The following CNOT6L variants were observed in gnomAD, a reference collection of about 807,000 sequenced individuals.
CNOT6L encodes CCR4-NOT transcription complex subunit 6 like.
CNOT6L carries 7 observed loss-of-function variants against 64.0 expected under a neutral mutation model. The observed-to-expected ratio is 0.11, with a 90% CI of 0.06 to 0.21. The LOEUF is 0.21. CNOT6L is among the 10% of genes least tolerant of loss of function. The pLI is 1.00. For synonymous variants in CNOT6L, 193 were observed against 243.4 expected (o/e 0.79, Z 1.93); for missense variants, 245 against 669.0 (o/e 0.37, Z 6.99).
intron 1 of CNOT6L, among the ~76,000 whole-genome samples, chr4:77,815,394 A>G (rs1733450941): frequency 6.6e-6 from 1 of 152,176 alleles, no homozygotes; most frequent in South Asian, 2.1e-4. Context: ...CTCACTTGTC[A>G]TTTAAGCCCC....
chr4:77,797,417 T>C (rs1386745642), intron 1 of CNOT6L, among the ~76,000 whole-genome samples: 2 of 152,216 alleles, frequency 1.3e-5, no homozygotes, highest in African/African-American at 4.8e-5. Context: ...TGCTGTCTCT[T>C]TCAGTCCTGC....
At chr4:77,728,400 T>C (rs1447017612) in intron 10 of CNOT6L, among the ~76,000 whole-genome samples, 5 of 152,202 alleles carry the variant, frequency 3.3e-5, no homozygotes, top group African/African-American at 1.2e-4. Context: ...ATGGGCAGCC[T>C]AGCAGGAGAT....
chr4:77,714,828 A>G lies in CNOT6L; in HGVS notation c.*5603T>C, dbSNP rs1720574911. 1 of 152,604 alleles carries G rather than the reference A, an allele frequency of 6.6e-6. No homozygotes were observed. Among genetic ancestry groups the G allele is most frequent in the African/African-American group, 2.4e-5 (1 of 41,444 alleles). 9.5% of individuals were successfully genotyped at this position (152,604 alleles called of 1,614,324 possible). A position where few individuals can be genotyped will look rare whatever the true frequency, so the allele number is the denominator to read the frequency against. ...ACAGAGAAAGGACAGTACAGTTTCT[A>G]AGTAAATACAGACCCAGATACTGCA... is the stretch of plus-strand genomic sequence containing the variant. On this transcript the variant is annotated 3_prime_UTR_variant, in exon 12 of 12. Transcript: ENST00000504123.
At chr4:77,727,989 GCAGTGATAATATA>G (rs142931592) in intron 10 of CNOT6L, among the ~76,000 whole-genome samples, 9,630 of 152,122 alleles carry the variant, frequency 0.063, 448 homozygotes, top group African/African-American at 0.13. Flanking sequence ...AAATAGCCTA[GCAGTGATAATATA>G]CAAAATTTAG....
intron 2 of CNOT6L, among the ~76,000 whole-genome samples, chr4:77,775,055 T>C (rs898766382): frequency 1.3e-5 from 2 of 152,140 alleles, no homozygotes; most frequent in Admixed American, 6.5e-5. Flanking sequence ...TGGAGACATT[T>C]TTGGTTGCCA....
At position 77,717,745 on chromosome 4, in the gene CNOT6L, AG is replaced by A. The variant is rs1436201421; in HGVS notation, c.*2685del. 1 of 152,512 alleles carries A rather than the reference AG, an allele frequency of 6.6e-6. No individual in the cohort carries two copies. The highest frequency in any genetic ancestry group is 1.9e-4 in the East Asian group (1 of 5,194). 9.4% of individuals were successfully genotyped at this position (152,512 alleles called of 1,614,324 possible). A position where few individuals can be genotyped will look rare whatever the true frequency, so the allele number is the denominator to read the frequency against. On this transcript the variant is annotated 3_prime_UTR_variant, in exon 12 of 12. Transcript: ENST00000504123. ...AAAACAGATACCACTCCTTTTACAAAGGGAACAAAGGGTGAAGGGTATGTGA... is the reference window on the plus strand; with the variant it reads ...AAAACAGATACCACTCCTTTTACAAAGGAACAAAGGGTGAAGGGTATGTGA...
In CNOT6L at chr4:77,714,438, TAAAAAAAAAAAAAAA is replaced by T. The variant is rs201499481; in HGVS notation, c.*5978_*5992del. On this transcript the variant is annotated 3_prime_UTR_variant, in exon 12 of 12. Coordinates refer to ENST00000504123, the MANE Select transcript of CNOT6L (RefSeq NM_144571.3). ...AGAAAAAGTACATACACACTCTCTT[TAAAAAAAAAAAAAAA>T]AAAAAAAAAAAAAAAAAAAAAAGCC... 15 of 134,686 alleles carry T rather than the reference TAAAAAAAAAAAAAAA, an allele frequency of 1.1e-4. No homozygotes were observed. Among genetic ancestry groups the T allele is most frequent in the African/African-American group, 4.1e-4 (14 of 33,750 alleles). The allele number at this position is 134,686 out of a possible 1,614,324, so 8.3% of individuals were successfully genotyped here.
intron 7 of CNOT6L, 179 bp from the exon 8 acceptor site, chr4:77,742,474 C>T (rs573668468): frequency 1.5e-6 from 1 of 683,526 alleles, no homozygotes; most frequent in Non-Finnish European, 2.6e-6. Context: ...GCTTTTTAAA[C>T]ATGAAAGAAC....
intron 1 of CNOT6L, among the ~76,000 whole-genome samples, chr4:77,784,533 T>C (rs940428483): frequency 2.6e-5 from 4 of 151,816 alleles, no homozygotes; most frequent in African/African-American, 4.8e-5. Context: ...GGTCTCACTT[T>C]ATCACCCAGG....
chr4:77,807,340 T>C (rs1334795079), intron 1 of CNOT6L, among the ~76,000 whole-genome samples: 1 of 147,374 alleles, frequency 6.8e-6, no homozygotes, highest in African/African-American at 2.5e-5. Context: ...AGCTCAGGAA[T>C]GCAAGGTCAG....
At chr4:77,782,907 G>A (rs904744746) in intron 1 of CNOT6L, among the ~76,000 whole-genome samples, 1 of 152,034 alleles carries the variant, frequency 6.6e-6, no homozygotes, top group Non-Finnish European at 1.5e-5. Flanking sequence ...ACTGCATATA[G>A]TAAGATCATA....
At chr4:77,726,767 C>A (rs1490724876) in intron 10 of CNOT6L, among the ~76,000 whole-genome samples, 1 of 152,144 alleles carries the variant, frequency 6.6e-6, no homozygotes, top group Non-Finnish European at 1.5e-5. Context: ...AAGCAATCAA[C>A]AACTTTGCGA....
intron 7 of CNOT6L, among the ~76,000 whole-genome samples, chr4:77,744,267 T>TA (rs1723945492): frequency 6.6e-6 from 1 of 151,896 alleles, no homozygotes; most frequent in Admixed American, 6.6e-5. Context: ...GTTTATAAAG[T>TA]AAGGTAAGGC....
intron 1 of CNOT6L, among the ~76,000 whole-genome samples, chr4:77,815,625 C>T (rs1733483400): frequency 6.6e-6 from 1 of 152,170 alleles, no homozygotes; most frequent in Admixed American, 6.5e-5. Flanking sequence ...TTTCCACCTG[C>T]CAGGGACATT....
At chr4:77,819,766 C>A (rs1419038694), upstream of CNOT6L, among the ~76,000 whole-genome samples, 1 of 129,228 alleles carries the variant, frequency 7.7e-6, no homozygotes, top group East Asian at 2.7e-4. Flanking sequence ...GGATGCGGGG[C>A]GGGCGGGCCG....
intron 1 of CNOT6L, among the ~76,000 whole-genome samples, chr4:77,790,391 T>G (rs1431784608): frequency 6.6e-6 from 1 of 152,236 alleles, no homozygotes; most frequent in African/African-American, 2.4e-5. Context: ...GGTTTTTGTG[T>G]AGACATAAGT....
upstream of CNOT6L, chr4:77,819,499 G>A (rs1207990192): frequency 8.1e-7 from 1 of 1,229,578 alleles, no homozygotes; most frequent in Non-Finnish European, 1.1e-6. Flanking sequence ...GGGAAGCCGC[G>A]GCGGCACACA....
rs1720463402 is a variant in CNOT6L at position 77,714,040 on chromosome 4, C to G, written c.*6391G>C. 1 of 152,462 alleles carries G rather than the reference C, an allele frequency of 6.6e-6. No individual in the cohort carries two copies. The allele number at this position is 152,462 out of a possible 1,614,324, so 9.4% of individuals were successfully genotyped here. ...GAACAAAAGCAAAGTAAATATACAACCTAAAACAGCAGAATTTGTTTTGGA... is the reference window on the plus strand; with the variant it reads ...GAACAAAAGCAAAGTAAATATACAAGCTAAAACAGCAGAATTTGTTTTGGA... On this transcript the variant is annotated 3_prime_UTR_variant, in exon 12 of 12. Coordinates refer to ENST00000504123, the MANE Select transcript of CNOT6L (RefSeq NM_144571.3).
chr4:77,768,900 A>C (rs944558986), intron 4 of CNOT6L, among the ~76,000 whole-genome samples: 4 of 152,148 alleles, frequency 2.6e-5, no homozygotes, highest in African/African-American at 9.7e-5. Flanking sequence ...CCTAAAAAAA[A>C]CCTAAGGATG....
Sources: allele counts gnomAD v4.1 joint callset (sites outside exome capture counted in the v4.1 genomes callset), GRCh38; gene constraint gnomAD v4.1.1; transcripts MANE v1.5; gene names NCBI Gene and HGNC (gene_info 2026-07-23, HGNC 2026-07-21).